ZMYM2: variants seen among roughly 807,000 people sequenced by gnomAD.
ZMYM2 encodes zinc finger MYM-type containing 2, also known as zinc finger MYM-type protein 2.
ZMYM2 carries 56 observed loss-of-function variants against 162.8 expected under a neutral mutation model. That is an observed-to-expected ratio of 0.34 (90% CI 0.28 to 0.43). The LOEUF is 0.43. Ranked by LOEUF, ZMYM2 falls within the 20% of genes least tolerant of loss-of-function variation. ZMYM2 has a pLI of 1.00. For synonymous variants in ZMYM2, 510 were observed against 541.6 expected (o/e 0.94, Z 0.81); for missense variants, 1,275 against 1,621.8 (o/e 0.79, Z 3.67).
intron 17 of ZMYM2, among the ~76,000 whole-genome samples, chr13:20,062,009 T>C (rs1203688331): frequency 6.6e-6 from 1 of 152,198 alleles, no homozygotes; most frequent in African/African-American, 2.4e-5. Context: ...TTGTGGATGG[T>C]TCTAAGTCAC....
chr13:19,910,419 AGGGAAAG>A, the ZMYM2 span, among the ~76,000 whole-genome samples: 2 of 152,170 alleles, frequency 1.3e-5, no homozygotes, highest in Non-Finnish European at 2.9e-5. Context: ...GGTTTACTGA[AGGGAAAG>A]GATTCAAAAG....
intron 14 of ZMYM2, among the ~76,000 whole-genome samples, chr13:20,057,497 A>G (rs1422651326): frequency 6.6e-6 from 1 of 152,080 alleles, no homozygotes; most frequent in African/African-American, 2.4e-5. Flanking sequence ...TATATGCATA[A>G]GGGTACAGTA....
chr13:19,918,460 A>G, the ZMYM2 span, among the ~76,000 whole-genome samples: 1 of 147,158 alleles, frequency 6.8e-6, no homozygotes, highest in Non-Finnish European at 1.5e-5. Context: ...ACAAACAACC[A>G]AAAAAAAAAT....
At chr13:19,985,931 A>T (rs1949096052) in intron 2 of ZMYM2, among the ~76,000 whole-genome samples, 1 of 152,018 alleles carries the variant, frequency 6.6e-6, no homozygotes. Flanking sequence ...GCGCCTATAA[A>T]TCCCAGCTAC....
At chr13:20,009,420 GTAACA>G (rs1409407105) in intron 6 of ZMYM2, among the ~76,000 whole-genome samples, 4 of 152,194 alleles carry the variant, frequency 2.6e-5, no homozygotes, top group African/African-American at 9.7e-5. Context: ...TAGACTATAT[GTAACA>G]TAAAATTTGC....
At chr13:19,924,935 G>A in the ZMYM2 span, among the ~76,000 whole-genome samples, 1 of 149,474 alleles carries the variant, frequency 6.7e-6, no homozygotes, top group African/African-American at 2.5e-5. Flanking sequence ...ACAGGTTGGA[G>A]TGCAATGGCC....
chr13:19,970,750 C>A (rs1956243168), intron 2 of ZMYM2, among the ~76,000 whole-genome samples: 2 of 152,080 alleles, frequency 1.3e-5, no homozygotes, highest in South Asian at 2.1e-4. Flanking sequence ...CCCTCATGGA[C>A]CTTGCAGTCT....
intron 8 of ZMYM2, 132 bp downstream of exon 8, chr13:20,026,894 C>A (rs990709197): frequency 1.9e-6 from 2 of 1,052,534 alleles, no homozygotes; most frequent in African/African-American, 1.7e-5. Flanking sequence ...GAAAACTGTT[C>A]TAATTATTTT....
Position 20,020,320 on chromosome 13 carries a change from C to T in ZMYM2, c.1584+702C>T, listed in dbSNP as rs6490509. ...CACCATCTCGGCTCACCGCAACCTC[C>T]GCCCCCTGGGTTCAAGCGATTCTCC... On this transcript the variant is annotated intron_variant, in intron 7 of 24. Transcript: ENST00000610343. 7.9e-3 allele frequency among the ~76,000 whole-genome samples: 1,190 copies of T among 150,906 alleles called. 7 individuals are homozygous for T. The highest frequency in any genetic ancestry group is 0.013 in the Non-Finnish European group (871 of 67,766).
At chr13:19,998,805 G>A (rs1352294527) in intron 3 of ZMYM2, among the ~76,000 whole-genome samples, 1 of 152,190 alleles carries the variant, frequency 6.6e-6, no homozygotes, top group Non-Finnish European at 1.5e-5. Context: ...AGTTTTGGTA[G>A]TAAAGAAGTT....
At chr13:20,053,619 T>C (rs891833532) in intron 14 of ZMYM2, among the ~76,000 whole-genome samples, 2 of 152,102 alleles carry the variant, frequency 1.3e-5, no homozygotes, top group Admixed American at 6.6e-5. Flanking sequence ...GCCACTGCAC[T>C]CCAGCCTGGG....
chr13:20,043,902 TG>T (rs1055248396), intron 12 of ZMYM2, among the ~76,000 whole-genome samples: 3 of 151,990 alleles, frequency 2.0e-5, no homozygotes, highest in South Asian at 4.2e-4. Context: ...GCCACCCCAC[TG>T]GGGGTCTCCA....
chr13:19,893,148 T>G, the ZMYM2 span, among the ~76,000 whole-genome samples: 1 of 151,374 alleles, frequency 6.6e-6, no homozygotes, highest in African/African-American at 2.4e-5. Context: ...ATGGTTAAAA[T>G]AGGGCTGCAC....
chr13:19,912,706 G>A, the ZMYM2 span, among the ~76,000 whole-genome samples: 1 of 152,292 alleles, frequency 6.6e-6, no homozygotes, highest in South Asian at 2.1e-4. Flanking sequence ...ATGGTACCAT[G>A]TTGATTGGAA....
chr13:19,893,866 G>A, the ZMYM2 span, among the ~76,000 whole-genome samples: 1 of 151,862 alleles, frequency 6.6e-6, no homozygotes, highest in Non-Finnish European at 1.5e-5. Context: ...TTGCTATGCT[G>A]CCTACACTGG....
At chr13:19,881,521 C>T in the ZMYM2 span, among the ~76,000 whole-genome samples, 1 of 151,762 alleles carries the variant, frequency 6.6e-6, no homozygotes, top group Non-Finnish European at 1.5e-5. Flanking sequence ...ACTCGAGAGA[C>T]TGAGGTGGCA....
intron 2 of ZMYM2, among the ~76,000 whole-genome samples, chr13:19,986,214 CAAAA>C (rs996406256): frequency 2.0e-5 from 3 of 151,000 alleles, no homozygotes; most frequent in African/African-American, 7.3e-5. Context: ...AACAAACAAA[CAAAA>C]CAAACAAACA....
the ZMYM2 span, among the ~76,000 whole-genome samples, chr13:19,923,356 C>CAAAAA: frequency 1.7e-5 from 1 of 57,366 alleles, no homozygotes; most frequent in African/African-American, 7.4e-5. Flanking sequence ...GACTCCGTCG[C>CAAAAA]AAAAAAAAAA....
chr13:19,964,193 G>A (rs1022176629), intron 2 of ZMYM2, among the ~76,000 whole-genome samples: 2 of 151,956 alleles, frequency 1.3e-5, no homozygotes, highest in Non-Finnish European at 2.9e-5. Flanking sequence ...CCTGGCCAAT[G>A]TGGTGAAACC....
Sources: gnomAD v4.1 joint callset for allele counts (sites outside exome capture counted in the v4.1 genomes callset) on GRCh38, gnomAD v4.1.1 for gene constraint, MANE v1.5 for transcripts, NCBI Gene and HGNC (gene_info 2026-07-23, HGNC 2026-07-21) for gene names.